FAM171B: variants seen among roughly 807,000 people sequenced by gnomAD.
The protein encoded by FAM171B is family with sequence similarity 171 member B.
A neutral mutation model predicts 75.6 loss-of-function variants in FAM171B; 19 were observed. The observed-to-expected ratio is 0.25, with a 90% CI of 0.18 to 0.37. The LOEUF (loss-of-function observed/expected upper bound fraction) is 0.37. Ranked by LOEUF, FAM171B falls within the 10% of genes least tolerant of loss-of-function variation. The pLI is 1.00. For synonymous variants in FAM171B, 367 were observed against 361.7 expected (o/e 1.01, Z -0.17); for missense variants, 848 against 982.4 (o/e 0.86, Z 1.83).
intron 1 of FAM171B, among the ~76,000 whole-genome samples, chr2:186,730,195 G>A (rs1173883707): frequency 1.3e-5 from 2 of 152,260 alleles, no homozygotes; most frequent in African/African-American, 4.8e-5. Context: ...TCTTGACCTC[G>A]TGATCCACCT....
Position 186,740,223 on chromosome 2 carries a change from T to C in FAM171B, c.239-5T>C. On this transcript the variant is annotated splice_region_variant and splice_polypyrimidine_tract_variant and intron_variant, in intron 1 of 7. Coordinates refer to ENST00000304698, the MANE Select transcript of FAM171B (RefSeq NM_177454.4). Reference sequence around the variant, plus strand: ...ATGCTGCAATTTCTACCTTTTTCTCTCCAGTGTCTGTATTTATGTTGAAAG... The same window carrying C: ...ATGCTGCAATTTCTACCTTTTTCTCCCCAGTGTCTGTATTTATGTTGAAAG... 9 of 1,609,280 alleles carry C rather than the reference T, an allele frequency of 5.6e-6. No homozygotes were observed. In the South Asian group the frequency reaches 9.9e-5, roughly 18 times the overall value.
chr2:186,700,695 T>G (rs1689647367), intron 1 of FAM171B, among the ~76,000 whole-genome samples: 1 of 152,162 alleles, frequency 6.6e-6, no homozygotes, highest in Non-Finnish European at 1.5e-5. Flanking sequence ...GCTGCTATAT[T>G]CTTATACAAA....
At chr2:186,719,822 A>T (rs574595964) in intron 1 of FAM171B, among the ~76,000 whole-genome samples, 8 of 152,354 alleles carry the variant, frequency 5.3e-5, no homozygotes, top group African/African-American at 1.9e-4. Context: ...CCTCCCCAGG[A>T]AACAATTGTA....
chr2:186,745,523 T>C (rs1426831035), intron 3 of FAM171B, among the ~76,000 whole-genome samples: 3 of 152,206 alleles, frequency 2.0e-5, no homozygotes, highest in Non-Finnish European at 4.4e-5. Flanking sequence ...TTTTACTGTC[T>C]CATTTTCCTA....
At chr2:186,726,515 C>T (rs1385005452) in intron 1 of FAM171B, among the ~76,000 whole-genome samples, 1 of 152,092 alleles carries the variant, frequency 6.6e-6, no homozygotes, top group Admixed American at 6.5e-5. Flanking sequence ...TTCTTTATAA[C>T]CTCCTTCGTT....
chr2:186,704,145 T>A (rs1689702929), intron 1 of FAM171B, among the ~76,000 whole-genome samples: 1 of 152,134 alleles, frequency 6.6e-6, no homozygotes, highest in African/African-American at 2.4e-5. Flanking sequence ...TTTCAATATA[T>A]TTGTGCTGTT....
At chr2:186,732,967 G>T (rs1483784742) in intron 1 of FAM171B, among the ~76,000 whole-genome samples, 1 of 152,288 alleles carries the variant, frequency 6.6e-6, no homozygotes, top group East Asian at 1.9e-4. Flanking sequence ...CCTGGTGCTG[G>T]TTGTGACCAA....
At chr2:186,711,103 C>T (rs976166338) in intron 1 of FAM171B, among the ~76,000 whole-genome samples, 2 of 152,108 alleles carry the variant, frequency 1.3e-5, no homozygotes, top group African/African-American at 4.8e-5. Flanking sequence ...TATAGAATTT[C>T]AAGTAATGAA....
In FAM171B at chr2:186,694,449, G is replaced by C. The variant is rs1186794108; in HGVS notation, c.238+38G>C. On this transcript the variant is annotated intron_variant, in intron 1 of 7. Transcript: ENST00000304698. Reference sequence around the variant, plus strand: ...TGCCCAGCCCGGTCTTTCAGTCTCGGCCGGCGATCTCTTAGGGCCTCGCCG... The same window carrying C: ...TGCCCAGCCCGGTCTTTCAGTCTCGCCCGGCGATCTCTTAGGGCCTCGCCG... 3 of 1,589,236 alleles carry C rather than the reference G, an allele frequency of 1.9e-6. No homozygotes were observed. The East Asian group carries it at 6.8e-5, about 36-fold the overall frequency.
chr2:186,762,925 G>C lies in FAM171B; in HGVS notation c.*102G>C. ...AGAAAATGAGACTGAGCAATCTCATGGTTCTTGGACATGTCTCAAGCAGAG... is the reference window on the plus strand; with the variant it reads ...AGAAAATGAGACTGAGCAATCTCATCGTTCTTGGACATGTCTCAAGCAGAG... On this transcript the variant is annotated 3_prime_UTR_variant, in exon 8 of 8. Transcript: ENST00000304698. The surrounding 1 kb of genome is among the most constrained non-coding windows in gnomAD (Gnocchi z 4.0). 2 of 1,380,474 alleles carry C rather than the reference G, an allele frequency of 1.4e-6. No homozygotes were observed. Among genetic ancestry groups the C allele is most frequent in the South Asian group, 1.4e-5 (1 of 70,154 alleles). The allele number at this position is 1,380,474 out of a possible 1,614,324, so 85.5% of individuals were successfully genotyped here. A position where few individuals can be genotyped will look rare whatever the true frequency, so the allele number is the denominator to read the frequency against.
chr2:186,735,930 G>A (rs1449888413), intron 1 of FAM171B, among the ~76,000 whole-genome samples: 2 of 152,186 alleles, frequency 1.3e-5, no homozygotes, highest in African/African-American at 4.8e-5. Flanking sequence ...CTTAAAAGTA[G>A]TGATACTAAT....
At chr2:186,708,744 A>G (rs1689768772) in intron 1 of FAM171B, among the ~76,000 whole-genome samples, 1 of 152,242 alleles carries the variant, frequency 6.6e-6, no homozygotes, top group Non-Finnish European at 1.5e-5. Flanking sequence ...TGAGTGATCC[A>G]AATGCAGCAC....
chr2:186,752,669 GACA>G (rs1231044117), intron 5 of FAM171B, among the ~76,000 whole-genome samples: 4 of 152,158 alleles, frequency 2.6e-5, no homozygotes, highest in Non-Finnish European at 5.9e-5. Flanking sequence ...ACCTTTCAGT[GACA>G]ACATTTTTTG....
At chr2:186,753,655 C>T (rs924840996) in intron 5 of FAM171B, among the ~76,000 whole-genome samples, 8 of 152,194 alleles carry the variant, frequency 5.3e-5, no homozygotes, top group African/African-American at 9.6e-5. Flanking sequence ...TCTTGTGATC[C>T]GCCTGCCTTG....
At chr2:186,726,386 A>T (rs569693047) in intron 1 of FAM171B, among the ~76,000 whole-genome samples, 2 of 152,044 alleles carry the variant, frequency 1.3e-5, no homozygotes, top group Non-Finnish European at 2.9e-5. Context: ...TTAATTCAGC[A>T]CCCTTTTGTT....
chr2:186,703,813 T>A (rs564630613), intron 1 of FAM171B, among the ~76,000 whole-genome samples: 9 of 152,168 alleles, frequency 5.9e-5, no homozygotes, highest in Middle Eastern at 3.4e-3. Flanking sequence ...AATGTCTGGG[T>A]GACTGAAACA....
intron 1 of FAM171B, among the ~76,000 whole-genome samples, chr2:186,696,950 C>G (rs1232999951): frequency 6.6e-6 from 1 of 151,894 alleles, no homozygotes; most frequent in African/African-American, 2.4e-5. Flanking sequence ...TCTAGTATCT[C>G]GAAGAGCACC....
At chr2:186,739,691 T>C (rs1559089174) in intron 1 of FAM171B, among the ~76,000 whole-genome samples, 1 of 152,200 alleles carries the variant, frequency 6.6e-6, no homozygotes, top group Non-Finnish European at 1.5e-5. Flanking sequence ...GAATACCTCC[T>C]GAAGGACCTG....
At chr2:186,739,930 T>C (rs2105785731) in intron 1 of FAM171B, among the ~76,000 whole-genome samples, 1 of 152,354 alleles carries the variant, frequency 6.6e-6, no homozygotes, top group East Asian at 1.9e-4. Flanking sequence ...TGCAACACTA[T>C]GATGGCCATG....
Sources: gnomAD v4.1 joint callset for allele counts (sites outside exome capture counted in the v4.1 genomes callset) on GRCh38, gnomAD v4.1.1 for gene constraint, Gnocchi (gnomAD v3.1) non-coding constraint, MANE v1.5 for transcripts, NCBI Gene and HGNC (gene_info 2026-07-23, HGNC 2026-07-21) for gene names.